SBF2: variants seen among roughly 807,000 people sequenced by gnomAD.
The protein encoded by SBF2 is myotubularin-related protein 13.
SBF2 carries 112 observed loss-of-function variants against 225.2 expected under a neutral mutation model. That is an observed-to-expected ratio of 0.50 (90% confidence interval 0.43 to 0.58). The LOEUF (loss-of-function observed/expected upper bound fraction) is 0.58, where lower values mean the gene tolerates loss of function less well. SBF2 is among the 20% of genes least tolerant of loss of function. The pLI is 0.00. For missense variants in SBF2, 1,996 were observed against 2,206.2 expected (o/e 0.90, Z 1.91); for synonymous variants, 763 against 773.3 (o/e 0.99, Z 0.22).
intron 1 of SBF2, among the ~76,000 whole-genome samples, chr11:10,234,749 A>G (rs1260723883): frequency 2.6e-5 from 4 of 152,240 alleles, no homozygotes; most frequent in Non-Finnish European, 5.9e-5. Flanking sequence ...TCGTCTTCTC[A>G]AAGGAATAAT....
intron 2 of SBF2, among the ~76,000 whole-genome samples, chr11:10,092,042 A>T (rs1272021764): frequency 6.6e-6 from 1 of 152,236 alleles, no homozygotes; most frequent in African/African-American, 2.4e-5. Flanking sequence ...AAATAATTAA[A>T]CATTTCAAGA....
intron 1 of SBF2, among the ~76,000 whole-genome samples, chr11:10,251,980 T>C (rs968997983): frequency 9.2e-5 from 14 of 152,218 alleles, no homozygotes; most frequent in African/African-American, 2.9e-4. Context: ...ACTAAGCTCA[T>C]GCACGAGGCC....
At chr11:10,131,429 G>GT (rs1349489996) in intron 2 of SBF2, among the ~76,000 whole-genome samples, 1 of 151,490 alleles carries the variant, frequency 6.6e-6, no homozygotes, top group Non-Finnish European at 1.5e-5. Context: ...AAAAAAGATT[G>GT]TGATTTGAGA....
chr11:9,850,028 T>C lies in SBF2; in HGVS notation c.2801A>G (p.Gln934Arg), dbSNP rs1387558106. The C allele has an allele frequency of 6.2e-7, 1 of 1,613,896 alleles. No individual in the cohort carries two copies. The highest frequency in any genetic ancestry group is 1.7e-5 in the Admixed American group (1 of 60,024). Residue 934 changes from glutamine to arginine, a missense_variant, in exon 22 of 40, where the codon CAG becomes CGG. By Grantham distance (43) the Gln-to-Arg change is conservative. Coordinates refer to ENST00000256190, the MANE Select transcript of SBF2 (RefSeq NM_030962.4). ...GATGGCATATCGAGTCATACCTAAC[T>C]GATCATGGGGTGTTCCTCTGAAGAG... The part of the protein sequence containing the change: ...RILFRGTPHD[Q>R]LVGEQTVVRS...
intron 1 of SBF2, among the ~76,000 whole-genome samples, chr11:10,304,137 C>T (rs1350992873): frequency 6.6e-6 from 1 of 152,132 alleles, no homozygotes; most frequent in African/African-American, 2.4e-5. Context: ...GGAATGTTAC[C>T]TTCCTTGCCT....
At position 9,784,391 on chromosome 11, in the gene SBF2, C is replaced by CAACCTTTCA; in HGVS notation, c.5270_5278dup (p.Leu1757_Gly1759dup). 1 of 1,614,136 alleles carries CAACCTTTCA rather than the reference C, an allele frequency of 6.2e-7. No individual in the cohort carries two copies. Among genetic ancestry groups the CAACCTTTCA allele is most frequent in the Admixed American group, 1.7e-5 (1 of 60,020 alleles). ...ATCCAAAACAAACCAACGGGGCTTC[C>CAACCTTTCA]AACCTTTCAGCAAAGCCCCTCTTTT... On this transcript the variant is annotated inframe_insertion, in exon 38 of 40. Coordinates refer to ENST00000256190, the MANE Select transcript of SBF2 (RefSeq NM_030962.4).
intron 2 of SBF2, among the ~76,000 whole-genome samples, chr11:10,055,483 A>G (rs1950220656): frequency 6.6e-6 from 1 of 151,632 alleles, no homozygotes; most frequent in Admixed American, 6.6e-5. Context: ...TAAAGAATCA[A>G]CTTAAGTGCC....
Position 10,133,281 on chromosome 11 carries a change from T to C in SBF2, c.141+60621A>G, listed in dbSNP as rs1003516430. On this transcript the variant is annotated intron_variant, in intron 2 of 39. Transcript: ENST00000256190. ...CGTAGGGGCTGCAGGTGGAGCTGCC[T>C]GCCAGTCCTGCGCCGTGTGCTCGCA... 4.3e-4 allele frequency among the ~76,000 whole-genome samples: 64 copies of C among 149,590 alleles called. 3 individuals carry two copies. Among genetic ancestry groups the C allele is most frequent in the African/African-American group, 1.5e-3 (62 of 40,716 alleles).
chr11:10,246,290 T>C (rs1959783825), intron 1 of SBF2, among the ~76,000 whole-genome samples: 1 of 152,150 alleles, frequency 6.6e-6, no homozygotes, highest in African/African-American at 2.4e-5. Context: ...TTTCTTTCTT[T>C]TTTGTGTTTT....
At position 10,246,377 on chromosome 11, in the gene SBF2, G is replaced by A. The variant is rs899665151; in HGVS notation, c.55+47638C>T. ...CGGCTCACTGCAACCTCCGCCTCCC[G>A]GGTTCAAGCAATTCTCCTGCCTCAG... is the stretch of plus-strand genomic sequence containing the variant. On this transcript the variant is annotated intron_variant, in intron 1 of 39. Coordinates refer to ENST00000256190, the MANE Select transcript of SBF2 (RefSeq NM_030962.4). Among the ~76,000 whole-genome samples the A allele has an allele frequency of 3.9e-5, 6 of 152,244 alleles. No individual in the cohort carries two copies. The South Asian group carries it at 8.3e-4, about 21-fold the overall frequency.
At chr11:10,179,522 A>G (rs1436520413) in intron 2 of SBF2, among the ~76,000 whole-genome samples, 1 of 152,140 alleles carries the variant, frequency 6.6e-6, no homozygotes, top group African/African-American at 2.4e-5. Flanking sequence ...TGTTCTATAG[A>G]TATCTATTAG....
rs111781198 is a variant in SBF2 at position 9,871,863 on chromosome 11, T to G, written c.1930-13467A>C. On this transcript the variant is annotated intron_variant, in intron 17 of 39. Coordinates refer to ENST00000256190, the MANE Select transcript of SBF2 (RefSeq NM_030962.4). Reference sequence around the variant, plus strand: ...GCACAGTATAGGAACACTTTTACACTGTTGGTGGGAGTGTAAATTAGTTCA... The same window carrying G: ...GCACAGTATAGGAACACTTTTACACGGTTGGTGGGAGTGTAAATTAGTTCA... Among the ~76,000 whole-genome samples the G allele has an allele frequency of 2.5e-3, 381 of 152,224 alleles. 1 individual carries two copies. Among genetic ancestry groups the G allele is most frequent in the Non-Finnish European group, 3.7e-3 (254 of 68,022 alleles).
At chr11:10,149,470 AATG>A (rs1955061643) in intron 2 of SBF2, 1 of 152,224 alleles carries the variant, frequency 6.6e-6, no homozygotes, top group Non-Finnish European at 1.5e-5. Flanking sequence ...TTGGCAAGGT[AATG>A]CAATTACAAT....
intron 31 of SBF2, chr11:9,808,609 C>T: frequency 2.4e-6 from 1 of 415,434 alleles, no homozygotes; most frequent in South Asian, 2.2e-5. Context: ...CTGACAAAAC[C>T]CAGGAAGGAT....
rs566360288 is a variant in SBF2, at chr11:10,221,210, C to T, written c.56-27223G>A. The stretch of plus-strand genomic sequence containing the variant: ...TCAGCTCATTGCAGCCTCTGTCTCC[C>T]GGGTTCAAGTGATTCTCCTGTCTCA... On this transcript the variant is annotated intron_variant, in intron 1 of 39. Coordinates refer to ENST00000256190, the MANE Select transcript of SBF2 (RefSeq NM_030962.4). Among the ~76,000 whole-genome samples, 576 of 151,742 alleles carry T rather than the reference C, an allele frequency of 3.8e-3. 4 individuals are homozygous for T. The highest frequency in any genetic ancestry group is 5.4e-3 in the South Asian group (26 of 4,796).
intron 2 of SBF2, among the ~76,000 whole-genome samples, chr11:10,188,077 G>T (rs562569225): frequency 6.6e-6 from 1 of 152,106 alleles, no homozygotes; most frequent in African/African-American, 2.4e-5. Context: ...TTCAAATCCC[G>T]TATTCTTTCT....
At chr11:10,056,992 A>G (rs1040574758) in intron 2 of SBF2, among the ~76,000 whole-genome samples, 2 of 152,010 alleles carry the variant, frequency 1.3e-5, no homozygotes, top group Non-Finnish European at 2.9e-5. Context: ...AAGGGTCTCC[A>G]GCAACTTCCT....
chr11:9,954,827 C>T (rs936081734), intron 16 of SBF2, among the ~76,000 whole-genome samples: 3 of 151,906 alleles, frequency 2.0e-5, no homozygotes, highest in African/African-American at 7.2e-5. Flanking sequence ...TTAGAGAAAG[C>T]CTTAAAAGTT....
chr11:9,944,237 G>C (rs894017886), intron 16 of SBF2, among the ~76,000 whole-genome samples: 4 of 152,172 alleles, frequency 2.6e-5, no homozygotes, highest in African/African-American at 9.7e-5. Flanking sequence ...ACCAAATTCA[G>C]GACAGTGGTT....
Sources: gnomAD v4.1 joint callset for allele counts (sites outside exome capture counted in the v4.1 genomes callset) on GRCh38, gnomAD v4.1.1 for gene constraint, MANE v1.5 for transcripts, NCBI Gene and HGNC (gene_info 2026-07-23, HGNC 2026-07-21) for gene names.